The following SHANK2 variants were observed in gnomAD, a reference collection of about 807,000 sequenced individuals.
The protein encoded by SHANK2 is SH3 and multiple ankyrin repeat domains protein 2.
SHANK2 carries 43 observed loss-of-function variants against 133.7 expected under a neutral mutation model. That is an observed-to-expected ratio of 0.32 (90% confidence interval 0.25 to 0.41). SHANK2 has a LOEUF of 0.41. SHANK2 is among the 10% of genes least tolerant of loss of function. The pLI, the probability that SHANK2 is intolerant of heterozygous loss-of-function variation, is 1.00. For synonymous variants in SHANK2, 1,017 were observed against 952.8 expected, an observed-to-expected ratio of 1.07 and a Z score of -1.24; for missense variants, 1,994 against 2,235.8, an observed-to-expected ratio of 0.89 and a Z score of 2.18.
intron 17 of SHANK2, among the ~76,000 whole-genome samples, chr11:70,539,774 G>A (rs1196965140): frequency 2.0e-5 from 3 of 150,356 alleles, no homozygotes; most frequent in Non-Finnish European, 2.9e-5. Flanking sequence ...CTTCTCTCCC[G>A]GGGGGGCCGT....
intron 15 of SHANK2, among the ~76,000 whole-genome samples, chr11:70,664,928 G>A (rs79831060): frequency 0.01 from 1,586 of 152,272 alleles, 24 homozygotes; most frequent in African/African-American, 0.036. Flanking sequence ...TGCACCTGAT[G>A]GGTCCTGAGC....
intron 17 of SHANK2, among the ~76,000 whole-genome samples, chr11:70,616,387 G>T (rs936859714): frequency 1.3e-5 from 2 of 152,096 alleles, no homozygotes; most frequent in Admixed American, 6.5e-5. Context: ...GGCCTGGATG[G>T]CACCTCTGAG....
chr11:70,888,765 T>A (rs1253897380), intron 11 of SHANK2, among the ~76,000 whole-genome samples: 5 of 151,288 alleles, frequency 3.3e-5, no homozygotes, highest in Non-Finnish European at 1.5e-5. Flanking sequence ...TGAAGTGAAC[T>A]GAAACCGCTC....
chr11:70,716,277 C>G (rs777474840), intron 14 of SHANK2, among the ~76,000 whole-genome samples: 1 of 152,186 alleles, frequency 6.6e-6, no homozygotes, highest in Non-Finnish European at 1.5e-5. Context: ...TTTGTTACCC[C>G]CAAGAGAGGG....
intron 17 of SHANK2, among the ~76,000 whole-genome samples, chr11:70,642,650 G>A (rs1022323610): frequency 5.3e-5 from 8 of 152,080 alleles, no homozygotes; most frequent in South Asian, 2.1e-4. Context: ...GACACCTCCC[G>A]TCATCTTCTG....
intron 15 of SHANK2, among the ~76,000 whole-genome samples, chr11:70,682,104 C>G (rs1001671694): frequency 1.3e-5 from 2 of 152,110 alleles, no homozygotes; most frequent in Non-Finnish European, 2.9e-5. Context: ...GCCTTTGACC[C>G]ACAGGCCAGG....
chr11:70,546,642 C>A (rs143733580), intron 17 of SHANK2, among the ~76,000 whole-genome samples: 39 of 152,368 alleles, frequency 2.6e-4, no homozygotes, highest in African/African-American at 8.4e-4. Context: ...CCTCCCCCTG[C>A]CGACTGGGCT....
At chr11:71,250,385 A>G (rs1417734115) in intron 1 of SHANK2, among the ~76,000 whole-genome samples, 1 of 152,146 alleles carries the variant, frequency 6.6e-6, no homozygotes, top group African/African-American at 2.4e-5. Context: ...TCATTCAGGC[A>G]CTACTGGGAC....
At chr11:71,056,330 G>A (rs1183327456) in intron 10 of SHANK2, among the ~76,000 whole-genome samples, 151 bp downstream of exon 10, 4 of 152,210 alleles carry the variant, frequency 2.6e-5, no homozygotes, top group Non-Finnish European at 5.9e-5. Context: ...CACTAAGAGA[G>A]GGAGGCACCT....
intron 2 of SHANK2, among the ~76,000 whole-genome samples, chr11:71,222,419 A>G (rs1954565610): frequency 6.6e-6 from 1 of 152,136 alleles, no homozygotes; most frequent in African/African-American, 2.4e-5. Flanking sequence ...CTCCCGAGTG[A>G]CAAGCAAAGG....
At chr11:70,795,407 C>CTTTTTTTTTTTTTTTTTTTTTTT in intron 14 of SHANK2, among the ~76,000 whole-genome samples, 1 of 128,458 alleles carries the variant, frequency 7.8e-6, no homozygotes, top group Non-Finnish European at 1.6e-5. Flanking sequence ...CTTTCTTTTT[C>CTTTTTTTTTTTTTTTTTTTTTTT]TTTTTTTTTT....
intron 10 of SHANK2, among the ~76,000 whole-genome samples, chr11:70,918,540 T>C (rs576687823): frequency 6.6e-6 from 1 of 152,192 alleles, no homozygotes; most frequent in Non-Finnish European, 1.5e-5. Context: ...TGTTGTTCTG[T>C]CTTCCAGACT....
chr11:70,616,572 C>T (rs773549183), intron 17 of SHANK2, among the ~76,000 whole-genome samples: 1 of 152,168 alleles, frequency 6.6e-6, no homozygotes, highest in Non-Finnish European at 1.5e-5. Context: ...AGGCACTGTT[C>T]CCCACAGACC....
chr11:70,542,767 T>A (rs2059638650), intron 17 of SHANK2, among the ~76,000 whole-genome samples: 1 of 152,168 alleles, frequency 6.6e-6, no homozygotes, highest in South Asian at 2.1e-4. Flanking sequence ...GACAACCTGA[T>A]CACGCAGCTT....
rs1046697537 is a variant in SHANK2, at chr11:70,626,870, G to T, written c.2061+32958C>A. On this transcript the variant is annotated intron_variant, in intron 17 of 25. Coordinates refer to ENST00000601538, the MANE Select transcript of SHANK2 (RefSeq NM_012309.5). ...CCAAGCCACATCATGACACTCTTCA[G>T]CCCAGAGTGGGCAGCCTGAAGAGGA... 7.2e-5 allele frequency among the ~76,000 whole-genome samples: 11 copies of T among 152,334 alleles called. No homozygotes were observed. In the East Asian group the frequency reaches 1.7e-3, roughly 24 times the overall value.
In SHANK2 at chr11:70,659,825, T is replaced by C. The variant is rs782638255; in HGVS notation, c.2061+3A>G. 2 of 1,614,148 alleles carry C rather than the reference T, an allele frequency of 1.2e-6. No homozygotes were observed. Among genetic ancestry groups the C allele is most frequent in the South Asian group, 1.1e-5 (1 of 91,078 alleles). ...AGAAAGATACAGACACCTGTGTCCCTACCTCAATCAAGAAGTCCCCGGTCC... is the reference window on the plus strand; with the variant it reads ...AGAAAGATACAGACACCTGTGTCCCCACCTCAATCAAGAAGTCCCCGGTCC... On this transcript the variant is annotated splice_donor_region_variant and intron_variant, in intron 17 of 25. Coordinates refer to ENST00000601538, the MANE Select transcript of SHANK2 (RefSeq NM_012309.5).
intron 9 of SHANK2, among the ~76,000 whole-genome samples, chr11:71,065,889 A>G (rs1590879131): frequency 1.0e-4 from 7 of 67,142 alleles, no homozygotes; most frequent in East Asian, 1.2e-3. Flanking sequence ...TGGGGGGGAT[A>G]CAGAACTCTC....
intron 1 of SHANK2, among the ~76,000 whole-genome samples, chr11:71,230,500 T>G (rs1591040983): frequency 6.9e-6 from 1 of 145,464 alleles, no homozygotes; most frequent in Non-Finnish European, 1.5e-5. Context: ...ACCCGGGAGG[T>G]GGAGATTGCA....
intron 11 of SHANK2, among the ~76,000 whole-genome samples, chr11:70,886,081 C>T (rs1390225920): frequency 2.6e-5 from 4 of 152,128 alleles, no homozygotes; most frequent in East Asian, 3.9e-4. Flanking sequence ...GCCCGGCATG[C>T]GGAGTCAGCA....
Sources: allele counts gnomAD v4.1 joint callset (sites outside exome capture counted in the v4.1 genomes callset), GRCh38; gene constraint gnomAD v4.1.1; transcripts MANE v1.5; gene names NCBI Gene and HGNC (gene_info 2026-07-23, HGNC 2026-07-21).